CWF19L2: variants seen among roughly 807,000 people sequenced by gnomAD.
CWF19L2 encodes CWF19-like protein 2.
A neutral mutation model predicts 111.7 loss-of-function variants in CWF19L2; 98 were observed. The ratio of observed to expected loss-of-function variants is 0.88; its 90% CI spans 0.75 to 1.04. CWF19L2 has a LOEUF of 1.04. Among genes scored for constraint, CWF19L2 ranks in the 50% least tolerant of loss-of-function variants. The probability of loss-of-function intolerance (pLI) is 0.00; values close to 1 mark genes in which losing one functional copy is unlikely to be tolerated. For missense variants in CWF19L2, 1,101 were observed against 1,051.4 expected (o/e 1.05, Z -0.65); for synonymous variants, 351 against 342.9 (o/e 1.02, Z -0.26).
At chr11:107,416,702 C>A (rs550370369) in intron 9 of CWF19L2, among the ~76,000 whole-genome samples, 1 of 151,942 alleles carries the variant, frequency 6.6e-6, no homozygotes, top group African/African-American at 2.4e-5. Flanking sequence ...ATGAAAATTC[C>A]GAAGATATTT....
rs150359039 is a variant in CWF19L2, at chr11:107,346,218, A to C, written c.2202+2719T>G. ...CTGATTTTGGAATATTAACGCTATG[A>C]TGTAGTCGTTTTTAAAATATAACAT... On this transcript the variant is annotated intron_variant, in intron 14 of 17. Coordinates refer to ENST00000282251, the MANE Select transcript of CWF19L2 (RefSeq NM_152434.3). Among the ~76,000 whole-genome samples, 546 of 152,322 alleles carry C rather than the reference A, an allele frequency of 3.6e-3. 2 individuals carry two copies. Among genetic ancestry groups the C allele is most frequent in the Middle Eastern group, 0.01 (3 of 294 alleles).
chr11:107,398,380 C>T (rs1286379222), intron 10 of CWF19L2, among the ~76,000 whole-genome samples: 1 of 152,030 alleles, frequency 6.6e-6, no homozygotes, highest in East Asian at 1.9e-4. Flanking sequence ...TTTAGAAATG[C>T]AAAATGCTGT....
intron 12 of CWF19L2, among the ~76,000 whole-genome samples, chr11:107,388,436 G>A (rs1388098081): frequency 1.3e-5 from 2 of 151,588 alleles, no homozygotes; most frequent in Non-Finnish European, 2.9e-5. Context: ...AGGCTGGAAT[G>A]CAGTGGCACG....
At chr11:107,353,447 A>G (rs1054954679) in intron 13 of CWF19L2, 77 bp downstream of exon 13, 5 of 1,092,264 alleles carry the variant, frequency 4.6e-6, no homozygotes, top group Non-Finnish European at 6.7e-6. Flanking sequence ...AAAATAATAA[A>G]CTTATTCAAG....
intron 7 of CWF19L2, among the ~76,000 whole-genome samples, chr11:107,431,985 A>G (rs1159203107): frequency 1.3e-5 from 2 of 152,162 alleles, no homozygotes; most frequent in Non-Finnish European, 2.9e-5. Flanking sequence ...ATAAAACTGA[A>G]CAAGCACTCA....
chr11:107,362,208 G>GT (rs149009156), intron 12 of CWF19L2, among the ~76,000 whole-genome samples: 125,131 of 151,580 alleles, frequency 0.83, 52,193 homozygotes, highest in African/African-American at 0.95. Context: ...TACCACAGCA[G>GT]CTGAGATCAA....
chr11:107,381,534 T>C (rs1450730010), intron 12 of CWF19L2, among the ~76,000 whole-genome samples: 1 of 152,194 alleles, frequency 6.6e-6, no homozygotes, highest in Non-Finnish European at 1.5e-5. Context: ...CAGGAACATA[T>C]AAATGATTTC....
At chr11:107,412,209 T>G (rs1861166066) in intron 10 of CWF19L2, among the ~76,000 whole-genome samples, 1 of 152,196 alleles carries the variant, frequency 6.6e-6, no homozygotes, top group Non-Finnish European at 1.5e-5. Flanking sequence ...GTAACAAGTG[T>G]ACACATATAT....
intron 14 of CWF19L2, among the ~76,000 whole-genome samples, chr11:107,339,213 C>T (rs1251655982): frequency 1.3e-5 from 2 of 152,136 alleles, no homozygotes; most frequent in Non-Finnish European, 2.9e-5. Context: ...TGGATGTGCC[C>T]AGTATGTTTA....
In CWF19L2 at chr11:107,336,593, TG is replaced by T. The variant is rs1487517244; in HGVS notation, c.2322del (p.Lys775ArgfsTer15). On this transcript the variant is annotated frameshift_variant, in exon 15 of 18. Transcript: ENST00000282251. LOFTEE classifies it high-confidence loss of function. ...ATGGGAGCCATGTCACCCACTTCCTTGGGAAGAGGAATACATTCATAAACCA... is the reference window on the plus strand; with the variant it reads ...ATGGGAGCCATGTCACCCACTTCCTTGGAAGAGGAATACATTCATAAACCA... The part of the protein sequence containing the change: ...YHMVYECIPL[P>X]KEVGDMAPIY... 1 of 1,604,260 alleles carries T rather than the reference TG, an allele frequency of 6.2e-7. No homozygotes were observed. The highest frequency in any genetic ancestry group is 8.5e-7 in the Non-Finnish European group (1 of 1,176,748).
At chr11:107,393,883 G>A (rs1860884518) in intron 10 of CWF19L2, among the ~76,000 whole-genome samples, 1 of 152,138 alleles carries the variant, frequency 6.6e-6, no homozygotes, top group Non-Finnish European at 1.5e-5. Context: ...CAAAAGCAGG[G>A]AGGATGGAAA....
At chr11:107,397,309 T>A (rs954861138) in intron 10 of CWF19L2, among the ~76,000 whole-genome samples, 4 of 152,074 alleles carry the variant, frequency 2.6e-5, no homozygotes, top group Non-Finnish European at 5.9e-5. Context: ...GGAAACAGAC[T>A]CCACGCTGTT....
At chr11:107,390,021 C>T (rs1860824601) in intron 12 of CWF19L2, 53 bp downstream of exon 12, 2 of 1,500,544 alleles carry the variant, frequency 1.3e-6, no homozygotes, top group African/African-American at 1.4e-5. Context: ...ATCACTGTTA[C>T]ACTGAATAAT....
chr11:107,349,031 A>T lies in CWF19L2; in HGVS notation c.2108T>A (p.Val703Glu). The change falls in exon 14 of 18, where the codon GTA becomes GAA. Residue 703 changes from valine to glutamate, a missense_variant. Coordinates refer to ENST00000282251, the MANE Select transcript of CWF19L2 (RefSeq NM_152434.3). The stretch of plus-strand genomic sequence containing the variant: ...GCAGTGCCCCTCAGTAAGAGACCGT[A>T]CGTTGGGTAAACATAAATAAACCTA... ...GVKVYLCLPN[V>E]RSLTEGHCLI... The T allele has an allele frequency of 6.2e-7, 1 of 1,603,946 alleles. No individual in the cohort carries two copies. The highest frequency in any genetic ancestry group is 1.1e-5 in the South Asian group (1 of 90,182).
chr11:107,371,283 G>A lies in CWF19L2; in HGVS notation c.1873-17547C>T, dbSNP rs922241348. On this transcript the variant is annotated intron_variant, in intron 12 of 17. Coordinates refer to ENST00000282251, the MANE Select transcript of CWF19L2 (RefSeq NM_152434.3). Reference sequence around the variant, plus strand: ...CTCCCAAAGTGCTGGGATTACAGGCGTGAGCCACCACGCCCGGCCTCTAGT... The same window carrying A: ...CTCCCAAAGTGCTGGGATTACAGGCATGAGCCACCACGCCCGGCCTCTAGT... Among the ~76,000 whole-genome samples the A allele has an allele frequency of 7.3e-5, 10 of 137,314 alleles. 3 individuals carry two copies. The highest frequency in any genetic ancestry group is 1.7e-4 in the African/African-American group (6 of 34,412). 90.1% of individuals were successfully genotyped at this position (137,314 alleles called of 152,430 possible).
chr11:107,337,609 C>T (rs185568202), intron 14 of CWF19L2, among the ~76,000 whole-genome samples: 2 of 152,088 alleles, frequency 1.3e-5, no homozygotes, highest in Non-Finnish European at 1.5e-5. Context: ...TTACTGTGAA[C>T]CCCTCAAGCT....
chr11:107,396,542 C>T (rs1487636209), intron 10 of CWF19L2, among the ~76,000 whole-genome samples: 1 of 152,154 alleles, frequency 6.6e-6, no homozygotes, highest in Non-Finnish European at 1.5e-5. Flanking sequence ...AATCAGTTTG[C>T]TAACATAACC....
chr11:107,400,118 A>G (rs1187070825), intron 10 of CWF19L2, among the ~76,000 whole-genome samples: 1 of 152,196 alleles, frequency 6.6e-6, no homozygotes, highest in Non-Finnish European at 1.5e-5. Flanking sequence ...CAAAAGTCTG[A>G]AAGTGCACAA....
intron 12 of CWF19L2, among the ~76,000 whole-genome samples, chr11:107,388,622 T>G (rs1221306100): frequency 1.3e-5 from 2 of 152,122 alleles, no homozygotes; most frequent in Non-Finnish European, 2.9e-5. Flanking sequence ...CCTCATGATC[T>G]GCCTGCCTAG....
Sources: gnomAD v4.1 joint callset for allele counts (sites outside exome capture counted in the v4.1 genomes callset) on GRCh38, gnomAD v4.1.1 for gene constraint, MANE v1.5 for transcripts, NCBI Gene and HGNC (gene_info 2026-07-23, HGNC 2026-07-21) for gene names.